The following BAALC variants were observed in gnomAD, a reference collection of about 807,000 sequenced individuals.
BAALC encodes BAALC binder of MAP3K1 and KLF4.
BAALC carries 9 observed loss-of-function variants against 15.5 expected under a neutral mutation model. The observed-to-expected ratio is 0.58, with a 90% confidence interval of 0.35 to 1.02. The LOEUF (loss-of-function observed/expected upper bound fraction) is 1.02. Ranked by LOEUF, BAALC falls within the 50% of genes least tolerant of loss-of-function variation. BAALC has a pLI of 0.02. For missense variants in BAALC, 201 were observed against 192.4 expected (o/e 1.04, Z -0.27); for synonymous variants, 80 against 74.6 (o/e 1.07, Z -0.37).
intron 1 of BAALC, among the ~76,000 whole-genome samples, chr8:103,182,752 C>G (rs76154171): frequency 6.6e-6 from 1 of 152,262 alleles, no homozygotes; most frequent in African/African-American, 2.4e-5. Context: ...AGAACTTTCA[C>G]GGATAAGCTT....
At chr8:103,208,903 A>G (rs1812388875) in intron 1 of BAALC, among the ~76,000 whole-genome samples, 1 of 152,160 alleles carries the variant, frequency 6.6e-6, no homozygotes, top group African/African-American at 2.4e-5. Context: ...GGACCTGGCC[A>G]TAGGCATAGG....
chr8:103,228,098 A>T lies in BAALC; in HGVS notation c.437A>T (p.Ter146LeuextTer38). The stretch of plus-strand genomic sequence containing the variant: ...AGAATCACAAAGAACTGTGTCAACT[A>T]GCAGAGAGTCCAAGCAGAAGGGCAG... ...SRRITKNCVN[*>L] Residue 146 changes from the stop codon to leucine, a stop_lost, in exon 3 of 3, where the codon TAG becomes TTG. Transcript: ENST00000309982. 1 of 1,598,856 alleles carries T rather than the reference A, an allele frequency of 6.3e-7. No homozygotes were observed. The highest frequency in any genetic ancestry group is 8.6e-7 in the Non-Finnish European group (1 of 1,166,708).
chr8:103,156,465 G>T (rs1315625284), intron 1 of BAALC, among the ~76,000 whole-genome samples: 1 of 152,152 alleles, frequency 6.6e-6, no homozygotes, highest in Non-Finnish European at 1.5e-5. Flanking sequence ...TCTTCATAAG[G>T]GATTCTCCTT....
intron 1 of BAALC, among the ~76,000 whole-genome samples, chr8:103,169,457 G>C (rs1811428299): frequency 6.6e-6 from 1 of 152,170 alleles, no homozygotes; most frequent in Non-Finnish European, 1.5e-5. Flanking sequence ...GTCCTGAACT[G>C]TTGGCTTGTA....
intron 1 of BAALC, among the ~76,000 whole-genome samples, chr8:103,161,365 T>C (rs1351811285): frequency 2.0e-5 from 3 of 152,202 alleles, no homozygotes; most frequent in African/African-American, 7.2e-5. Flanking sequence ...TAGATGCTTT[T>C]CATTTTTAAG....
chr8:103,190,748 C>T (rs550466920), intron 1 of BAALC, among the ~76,000 whole-genome samples: 1 of 152,270 alleles, frequency 6.6e-6, no homozygotes, highest in East Asian at 1.9e-4. Flanking sequence ...AACTCCTGCC[C>T]TAGATCTGAG....
rs190273917 is a variant in BAALC at position 103,225,862 on chromosome 8, G to A, written c.328-2127G>A. ...GCTCTGGCAGAGTAAAGGGGATCTA[G>A]AGAGGGGTGTCGCCATCAGCTACAC... On this transcript the variant is annotated intron_variant, in intron 2 of 2. Transcript: ENST00000309982. Among the ~76,000 whole-genome samples, 5 of 152,314 alleles carry A rather than the reference G, an allele frequency of 3.3e-5. No individual in the cohort carries two copies. The East Asian group carries it at 9.6e-4, about 29-fold the overall frequency.
chr8:103,141,737 A>G (rs72671357), intron 1 of BAALC, among the ~76,000 whole-genome samples: 20,380 of 152,268 alleles, frequency 0.13, 1,523 homozygotes, highest in Middle Eastern at 0.17. Context: ...TGGTGTCCCA[A>G]TGCTTTGCAG....
At chr8:103,196,422 G>A (rs1231532491) in intron 1 of BAALC, among the ~76,000 whole-genome samples, 3 of 152,056 alleles carry the variant, frequency 2.0e-5, no homozygotes, top group East Asian at 3.9e-4. Context: ...CTGGGACTAC[G>A]GGCATGCACC....
chr8:103,154,731 C>G (rs1458528903), intron 1 of BAALC: 2 of 154,368 alleles, frequency 1.3e-5, no homozygotes, highest in African/African-American at 4.8e-5. Flanking sequence ...GTTATGTGTT[C>G]CCTGATAGCA....
chr8:103,196,517 G>A (rs1812102447), intron 1 of BAALC, among the ~76,000 whole-genome samples: 1 of 152,158 alleles, frequency 6.6e-6, no homozygotes, highest in Non-Finnish European at 1.5e-5. Context: ...CTGGACTCAA[G>A]CAATCTTCCT....
chr8:103,215,668 A>G (rs919101441), intron 2 of BAALC, among the ~76,000 whole-genome samples: 1 of 152,174 alleles, frequency 6.6e-6, no homozygotes, highest in Admixed American at 6.5e-5. Context: ...GGGCAAAACC[A>G]AACTACTTGA....
intron 1 of BAALC, chr8:103,183,265 T>C: frequency 1.5e-6 from 1 of 684,422 alleles, no homozygotes; most frequent in Non-Finnish European, 2.7e-6. Context: ...TTTGTCAGAA[T>C]CCCAAAGATG....
At chr8:103,141,264 G>T (rs1240436135) in intron 1 of BAALC, 3 of 536,506 alleles carry the variant, frequency 5.6e-6, no homozygotes, top group African/African-American at 4.0e-5. Context: ...CGAAGGCTGC[G>T]CCGATGCCCC....
chr8:103,154,574 G>GAATTCA (rs1811048692), intron 1 of BAALC: 1 of 154,178 alleles, frequency 6.5e-6, no homozygotes, highest in African/African-American at 2.4e-5. Flanking sequence ...TCTTAGTATG[G>GAATTCA]AATTCAAGGC....
chr8:103,173,395 T>G (rs1811541428), intron 1 of BAALC, among the ~76,000 whole-genome samples: 1 of 152,238 alleles, frequency 6.6e-6, no homozygotes, highest in South Asian at 2.1e-4. Flanking sequence ...TTTTTCACAC[T>G]TCAAGACTAT....
intron 1 of BAALC, among the ~76,000 whole-genome samples, chr8:103,143,784 A>G (rs1256203983): frequency 1.3e-5 from 2 of 152,190 alleles, no homozygotes; most frequent in East Asian, 1.9e-4. Flanking sequence ...TGGGACTTGT[A>G]AAAGTTTTCA....
chr8:103,146,570 A>G (rs1452826720), intron 1 of BAALC, among the ~76,000 whole-genome samples: 2 of 152,230 alleles, frequency 1.3e-5, no homozygotes, highest in Non-Finnish European at 2.9e-5. Context: ...TGTTCTGGCT[A>G]CATCAGGACC....
chr8:103,226,083 T>C (rs1253167218), intron 2 of BAALC, among the ~76,000 whole-genome samples: 1 of 152,182 alleles, frequency 6.6e-6, no homozygotes, highest in East Asian at 1.9e-4. Flanking sequence ...AAGGAGGTGC[T>C]CATGCCTGGA....
Sources: gnomAD v4.1 joint callset for allele counts (sites outside exome capture counted in the v4.1 genomes callset) on GRCh38, gnomAD v4.1.1 for gene constraint, MANE v1.5 for transcripts, NCBI Gene and HGNC (gene_info 2026-07-23, HGNC 2026-07-21) for gene names.